The following GPR19 variants were observed in gnomAD, a reference collection of about 807,000 sequenced individuals.
GPR19 encodes the protein probable G protein-coupled receptor 19.
In GPR19, 14 loss-of-function variants were observed where a neutral mutation model predicts 28.5. The observed-to-expected ratio is 0.49, with a 90% CI of 0.32 to 0.77. The LOEUF is 0.77. GPR19 is among the 30% of genes least tolerant of loss of function. The pLI, the probability that GPR19 is intolerant of heterozygous loss-of-function variation, is 0.03. For missense variants in GPR19, 409 were observed against 504.1 expected, an observed-to-expected ratio of 0.81 and a Z score of 1.81; for synonymous variants, 173 against 184.1, an observed-to-expected ratio of 0.94 and a Z score of 0.49.
chr12:12,707,254 C>A, the GPR19 span, among the ~76,000 whole-genome samples: 1 of 152,234 alleles, frequency 6.6e-6, no homozygotes, highest in African/African-American at 2.4e-5. Flanking sequence ...ATTGAAAAGT[C>A]CTTCCTTGTT....
At chr12:12,684,300 G>A (rs958284803) in intron 3 of GPR19, 51 bp downstream of exon 3, 7 of 152,172 alleles carry the variant, frequency 4.6e-5, no homozygotes, top group African/African-American at 1.4e-4. Flanking sequence ...AAGGCATTAT[G>A]TCCTCTGAGC....
intron 2 of GPR19, among the ~76,000 whole-genome samples, chr12:12,686,640 C>T (rs1746061472): frequency 1.3e-5 from 2 of 152,100 alleles, no homozygotes; most frequent in South Asian, 4.1e-4. Flanking sequence ...GTAATGTGCC[C>T]AAAGCTGCAT....
At chr12:12,667,821 C>T (rs1026367341) in intron 3 of GPR19, among the ~76,000 whole-genome samples, 1 of 152,002 alleles carries the variant, frequency 6.6e-6, no homozygotes, top group South Asian at 2.1e-4. Flanking sequence ...TTTGTCTCCC[C>T]CATTAGGTTA....
Position 12,661,836 on chromosome 12 carries a change from T to G in GPR19, c.613A>C (p.Asn205His), listed in dbSNP as rs757543568. 4 of 1,614,146 alleles carry G rather than the reference T, an allele frequency of 2.5e-6. No individual in the cohort carries two copies. The highest frequency in any genetic ancestry group is 2.5e-6 in the Non-Finnish European group (3 of 1,180,028). Residue 205 changes from asparagine (N) to histidine (H), a missense_variant, in exon 4 of 4, where the codon AAC becomes CAC. Asn to His is a moderately conservative substitution (Grantham distance 68). Coordinates refer to ENST00000651487, the MANE Select transcript of GPR19 (RefSeq NM_006143.3). The surrounding 1 kb of genome is among the most constrained non-coding windows in gnomAD (Gnocchi z 4.2). ...VTPVLFFYGS[N>H]WDSHCNYFLP... is the part of the protein sequence containing the mutation. ...AAATAGTTACAATGACTGTCCCAGT[T>G]GGAGCCATAGAAAAAGAGCACAGGG...
upstream of GPR19, among the ~76,000 whole-genome samples, chr12:12,700,386 C>T (rs1167601661): frequency 6.6e-6 from 1 of 151,978 alleles, no homozygotes; most frequent in East Asian, 1.9e-4. Flanking sequence ...TAGACTCTCT[C>T]ATAAGGGCAA....
At chr12:12,683,163 G>A (rs1480655665) in intron 3 of GPR19, among the ~76,000 whole-genome samples, 1 of 152,054 alleles carries the variant, frequency 6.6e-6, no homozygotes, top group Admixed American at 6.6e-5. Flanking sequence ...ACATCAATTG[G>A]TCACCATAGT....
intron 2 of GPR19, among the ~76,000 whole-genome samples, chr12:12,690,788 C>T (rs1041296692): frequency 6.6e-6 from 1 of 152,216 alleles, no homozygotes; most frequent in Non-Finnish European, 1.5e-5. Context: ...AACTCAGATA[C>T]AGAGCCAGAT....
chr12:12,714,741 G>C, the GPR19 span, among the ~76,000 whole-genome samples: 1 of 152,178 alleles, frequency 6.6e-6, no homozygotes, highest in East Asian at 1.9e-4. Context: ...ATGGCGCTCT[G>C]ATCTCTACGC....
At chr12:12,690,286 C>G (rs1436650554) in intron 2 of GPR19, among the ~76,000 whole-genome samples, 1 of 152,024 alleles carries the variant, frequency 6.6e-6, no homozygotes, top group Non-Finnish European at 1.5e-5. Flanking sequence ...TATGTGTATT[C>G]CTAATGTGGA....
the GPR19 span, among the ~76,000 whole-genome samples, chr12:12,708,961 G>A: frequency 6.6e-6 from 1 of 151,980 alleles, no homozygotes; most frequent in African/African-American, 2.4e-5. Context: ...GCAGAGAACT[G>A]CTTGAACCCA....
chr12:12,694,147 C>T (rs545074297), intron 2 of GPR19, among the ~76,000 whole-genome samples: 15 of 149,062 alleles, frequency 1.0e-4, no homozygotes, highest in African/African-American at 3.5e-4. Context: ...TTTTTAAGCT[C>T]CCAAGGTGAT....
At chr12:12,716,807 C>T in the GPR19 span, 4 of 985,318 alleles carry the variant, frequency 4.1e-6, no homozygotes, top group Non-Finnish European at 4.8e-6. Flanking sequence ...TGCCCACTGC[C>T]TCCACCAGCC....
At chr12:12,668,093 T>C (rs1945807790) in intron 3 of GPR19, among the ~76,000 whole-genome samples, 1 of 152,218 alleles carries the variant, frequency 6.6e-6, no homozygotes, top group African/African-American at 2.4e-5. Context: ...TGAAGATATT[T>C]ATATGTTAAC....
chr12:12,710,961 C>G, the GPR19 span, among the ~76,000 whole-genome samples: 5 of 152,324 alleles, frequency 3.3e-5, no homozygotes, highest in East Asian at 9.6e-4. Flanking sequence ...TCCCTATTCC[C>G]TATCTCCCAA....
Position 12,684,345 on chromosome 12 carries a change from A to G in GPR19, c.-23+6T>C. The G allele has an allele frequency of 6.6e-6, 1 of 152,180 alleles. No individual in the cohort carries two copies. The highest frequency in any genetic ancestry group is 3.2e-3 in the Middle Eastern group (1 of 316). The allele number at this position is 152,180 out of a possible 1,614,324, so 9.4% of individuals were successfully genotyped here. A position where few individuals can be genotyped will look rare whatever the true frequency, so the allele number is the denominator to read the frequency against. On this transcript the variant is annotated splice_donor_region_variant and intron_variant, in intron 3 of 3. Transcript: ENST00000651487. ...GTCGCAATACCAAGGGATCCCTATC[A>G]CATACCTTCATCCGGACTTGATTTC...
chr12:12,669,325 T>C (rs1945825797), intron 3 of GPR19, among the ~76,000 whole-genome samples: 1 of 152,224 alleles, frequency 6.6e-6, no homozygotes, highest in African/African-American at 2.4e-5. Context: ...AACTGTTGCC[T>C]TTTAAACAGA....
rs564830202 is a variant in GPR19 at position 12,666,831 on chromosome 12, G to A, written c.-22-4361C>T. The stretch of plus-strand genomic sequence containing the variant: ...ATATTCTCAGAGAGGTGAAACATTG[G>A]GGATTATGGTGATAGGGGAAAACAT... On this transcript the variant is annotated intron_variant, in intron 3 of 3. Transcript: ENST00000651487. Among the ~76,000 whole-genome samples, 5 of 152,268 alleles carry A rather than the reference G, an allele frequency of 3.3e-5. No individual in the cohort carries two copies. The South Asian group carries it at 1.0e-3, about 32-fold the overall frequency.
chr12:12,698,096 T>C (rs1946291305), upstream of GPR19, among the ~76,000 whole-genome samples: 1 of 152,192 alleles, frequency 6.6e-6, no homozygotes, highest in Non-Finnish European at 1.5e-5. Flanking sequence ...TGAGAAGGCT[T>C]GAATGAAAAT....
At chr12:12,672,934 G>A (rs1945875588) in intron 3 of GPR19, among the ~76,000 whole-genome samples, 1 of 152,144 alleles carries the variant, frequency 6.6e-6, no homozygotes, top group Non-Finnish European at 1.5e-5. Context: ...TTTTTATGGA[G>A]CTTACTTCTA....
Sources: allele counts gnomAD v4.1 joint callset (sites outside exome capture counted in the v4.1 genomes callset), GRCh38; gene constraint gnomAD v4.1.1; non-coding constraint Gnocchi (gnomAD v3.1); transcripts MANE v1.5; gene names NCBI Gene and HGNC (gene_info 2026-07-23, HGNC 2026-07-21).